Variants in RAD51B observed in about 807,000 individuals in gnomAD.
The protein encoded by RAD51B is RAD51 paralog B, also known as DNA repair protein RAD51 homolog 2.
RAD51B carries 38 observed loss-of-function variants against 42.2 expected under a neutral mutation model. The ratio of observed to expected loss-of-function variants is 0.90; its 90% CI spans 0.70 to 1.18. The LOEUF (loss-of-function observed/expected upper bound fraction) is 1.18. Ranked by LOEUF, RAD51B falls within the 50% of genes most tolerant of loss-of-function variation. The pLI is 0.00. For missense variants in RAD51B, 373 were observed against 400.7 expected, an observed-to-expected ratio of 0.93 and a Z score of 0.59; for synonymous variants, 154 against 145.2, an observed-to-expected ratio of 1.06 and a Z score of -0.43.
intron 8 of RAD51B, among the ~76,000 whole-genome samples, chr14:68,363,758 C>T (rs1046525127): frequency 2.0e-5 from 3 of 152,160 alleles, no homozygotes; most frequent in South Asian, 2.1e-4. Context: ...TGTGCACACG[C>T]GTGTGTGGGT....
At chr14:68,207,784 G>GA (rs2079622852) in intron 7 of RAD51B, among the ~76,000 whole-genome samples, 1 of 152,108 alleles carries the variant, frequency 6.6e-6, no homozygotes, top group South Asian at 2.1e-4. Flanking sequence ...CCGAGACTGG[G>GA]CCTTTGGATT....
At chr14:68,586,090 CT>C (rs34101314) in intron 10 of RAD51B, among the ~76,000 whole-genome samples, 36,216 of 152,002 alleles carry the variant, frequency 0.24, 5,051 homozygotes, top group East Asian at 0.37. Flanking sequence ...ACCTCCTAGC[CT>C]ATGGAAGAGA....
intron 9 of RAD51B, among the ~76,000 whole-genome samples, chr14:68,426,420 T>G (rs2140122305): frequency 6.6e-6 from 1 of 152,204 alleles, no homozygotes; most frequent in East Asian, 1.9e-4. Flanking sequence ...GAGATGAATA[T>G]CTTATTGGAA....
At chr14:68,024,118 G>A (rs567258991) in intron 7 of RAD51B, among the ~76,000 whole-genome samples, 101 of 152,096 alleles carry the variant, frequency 6.6e-4, no homozygotes, top group South Asian at 1.5e-3. Flanking sequence ...TTTTCCTATT[G>A]CTTGTTGTCA....
At chr14:68,025,787 A>G (rs2075946473) in intron 7 of RAD51B, among the ~76,000 whole-genome samples, 3 of 151,982 alleles carry the variant, frequency 2.0e-5, no homozygotes, top group Admixed American at 6.6e-5. Context: ...GCAGTCTATC[A>G]GTCTTGTTGA....
rs150209874 is a variant in RAD51B at position 68,059,216 on chromosome 14, A to G, written c.756+172012A>G. ...ACTGCCCTAATTCTGGCCTACTTAT[A>G]ACATCTTTGGATTATTACAAAGCCA... is the stretch of plus-strand genomic sequence containing the variant. On this transcript the variant is annotated intron_variant, in intron 7 of 10. Coordinates refer to ENST00000471583, the MANE Select transcript of RAD51B (RefSeq NM_133510.4). Among the ~76,000 whole-genome samples, 19 of 152,232 alleles carry G rather than the reference A, an allele frequency of 1.2e-4. No homozygotes were observed. In the East Asian group the frequency reaches 3.7e-3, roughly 29 times the overall value.
At chr14:68,397,419 C>T (rs746948757) in intron 8 of RAD51B, among the ~76,000 whole-genome samples, 3 of 152,354 alleles carry the variant, frequency 2.0e-5, no homozygotes, top group East Asian at 1.9e-4. Flanking sequence ...CGCCATGAGG[C>T]GGCTGCCTGA....
chr14:67,955,652 A>G (rs1396218599), intron 7 of RAD51B, among the ~76,000 whole-genome samples: 1 of 152,228 alleles, frequency 6.6e-6, no homozygotes, highest in Admixed American at 6.5e-5. Flanking sequence ...TACATATATC[A>G]ATTGCTGATA....
At chr14:68,335,739 T>C (rs988279413) in intron 8 of RAD51B, among the ~76,000 whole-genome samples, 1 of 152,194 alleles carries the variant, frequency 6.6e-6, no homozygotes, top group African/African-American at 2.4e-5. Context: ...CCTGGCTAAT[T>C]AAAGGTAGAG....
intron 10 of RAD51B, chr14:68,562,453 G>A: frequency 1.0e-6 from 1 of 983,038 alleles, no homozygotes; most frequent in Non-Finnish European, 1.2e-6. Context: ...CATGTCAGCT[G>A]TGGGGGATTT....
At chr14:67,960,049 C>A (rs990799551) in intron 7 of RAD51B, among the ~76,000 whole-genome samples, 16 of 150,694 alleles carry the variant, frequency 1.1e-4, no homozygotes, top group Admixed American at 1.3e-4. Flanking sequence ...CGCGCCACTG[C>A]GCTACAGCCT....
At chr14:67,856,099 C>G (rs1349834437) in intron 4 of RAD51B, among the ~76,000 whole-genome samples, 2 of 152,158 alleles carry the variant, frequency 1.3e-5, no homozygotes, top group African/African-American at 4.8e-5. Context: ...TCCCTTAATA[C>G]TGTTTGATTT....
At chr14:68,304,727 A>G (rs557237194) in intron 8 of RAD51B, among the ~76,000 whole-genome samples, 1 of 152,288 alleles carries the variant, frequency 6.6e-6, no homozygotes, top group Non-Finnish European at 1.5e-5. Context: ...ACTTCCCTGG[A>G]CCTCAATTCC....
At chr14:68,536,059 C>A (rs1036702258) in intron 10 of RAD51B, among the ~76,000 whole-genome samples, 1 of 152,158 alleles carries the variant, frequency 6.6e-6, no homozygotes, top group Non-Finnish European at 1.5e-5. Flanking sequence ...ATTCCAGAAA[C>A]TAGGAAGCAG....
chr14:68,483,083 T>TA (rs1374943558), downstream of RAD51B, among the ~76,000 whole-genome samples: 1 of 152,112 alleles, frequency 6.6e-6, no homozygotes, highest in African/African-American at 2.4e-5. Flanking sequence ...TGAGCACTGA[T>TA]AATTAAGTCC....
intron 10 of RAD51B, among the ~76,000 whole-genome samples, chr14:68,606,884 C>T (rs986107888): frequency 3.3e-5 from 5 of 152,248 alleles, no homozygotes; most frequent in Admixed American, 1.3e-4. Flanking sequence ...AGTTTTCCTA[C>T]GCATAAGATG....
At chr14:68,086,302 G>C (rs1161207068) in intron 7 of RAD51B, among the ~76,000 whole-genome samples, 1 of 152,132 alleles carries the variant, frequency 6.6e-6, no homozygotes, top group African/African-American at 2.4e-5. Flanking sequence ...TCCTCTCGCT[G>C]TCCAGCTGCC....
At chr14:68,141,178 G>A (rs907107786) in intron 7 of RAD51B, among the ~76,000 whole-genome samples, 4 of 152,122 alleles carry the variant, frequency 2.6e-5, no homozygotes, top group Non-Finnish European at 5.9e-5. Flanking sequence ...CTCTTCTCAT[G>A]AACATTTTTT....
intron 9 of RAD51B, among the ~76,000 whole-genome samples, chr14:68,446,620 A>C (rs981764207): frequency 6.6e-6 from 1 of 152,150 alleles, no homozygotes; most frequent in African/African-American, 2.4e-5. Context: ...GAGTTGCTAA[A>C]TTGGTAGGAT....
Sources: allele counts gnomAD v4.1 joint callset (sites outside exome capture counted in the v4.1 genomes callset), GRCh38; gene constraint gnomAD v4.1.1; transcripts MANE v1.5; gene names NCBI Gene and HGNC (gene_info 2026-07-23, HGNC 2026-07-21).